Variants in TIAM1 observed in about 807,000 individuals in gnomAD.
The protein encoded by TIAM1 is TIAM Rac1 associated GEF 1, also known as rho guanine nucleotide exchange factor TIAM1.
Under a neutral mutation model 163.5 loss-of-function variants are expected in TIAM1, and 65 were observed. That is an observed-to-expected ratio of 0.40 (90% CI 0.33 to 0.49). TIAM1 has a LOEUF of 0.49. Ranked by LOEUF, TIAM1 falls within the 20% of genes least tolerant of loss-of-function variation. TIAM1 has a pLI of 0.77. For missense variants in TIAM1, 1,789 were observed against 2,044.7 expected, an observed-to-expected ratio of 0.87 and a Z score of 2.41; for synonymous variants, 833 against 810.1, an observed-to-expected ratio of 1.03 and a Z score of -0.48.
At chr21:31,233,371 GT>G (rs2088547330) in intron 6 of TIAM1, among the ~76,000 whole-genome samples, 1 of 152,046 alleles carries the variant, frequency 6.6e-6, no homozygotes, top group African/African-American at 2.4e-5. Flanking sequence ...ATCATATTTT[GT>G]TTACATAAGA....
intron 1 of TIAM1, among the ~76,000 whole-genome samples, chr21:31,514,989 C>T (rs1391523155): frequency 3.3e-5 from 5 of 152,214 alleles, no homozygotes; most frequent in Non-Finnish European, 7.3e-5. Context: ...CACAGGCACA[C>T]GACAGCTGCC....
At position 31,210,750 on chromosome 21, in the gene TIAM1, G is replaced by GAAAGAAAGAA. The variant is rs1455126243; in HGVS notation, c.2218-545_2218-536dup. 1.5e-3 allele frequency among the ~76,000 whole-genome samples: 88 copies of GAAAGAAAGAA among 60,022 alleles called. 1 individual carries two copies. The highest frequency in any genetic ancestry group is 7.5e-3 in the Middle Eastern group (1 of 134). 39.4% of individuals were successfully genotyped at this position (60,022 alleles called of 152,430 possible). A position where few individuals can be genotyped will look rare whatever the true frequency, so the allele number is the denominator to read the frequency against. Reference sequence around the variant, plus strand: ...GAAAGAGAAAGAAGGAAGGAAGGGAGAAAGAAAGAAAGAAAGAAAGAAAGA... The same window carrying GAAAGAAAGAA: ...GAAAGAGAAAGAAGGAAGGAAGGGAGAAAGAAAGAAAAAGAAAGAAAGAAAGAAAGAAAGA... On this transcript the variant is annotated intron_variant, in intron 10 of 27. Transcript: ENST00000541036.
chr21:31,159,082 G>A (rs1306476449), intron 16 of TIAM1, among the ~76,000 whole-genome samples: 2 of 152,122 alleles, frequency 1.3e-5, no homozygotes, highest in Non-Finnish European at 2.9e-5. Flanking sequence ...CTCCAGTGGG[G>A]AAAGTAAAAA....
chr21:31,492,446 G>A (rs2046500753), intron 1 of TIAM1, among the ~76,000 whole-genome samples: 1 of 152,126 alleles, frequency 6.6e-6, no homozygotes, highest in South Asian at 2.1e-4. Context: ...CAGATTCACT[G>A]AACCAGACTG....
chr21:31,368,346 C>T (rs1167206393), intron 2 of TIAM1, among the ~76,000 whole-genome samples: 1 of 151,950 alleles, frequency 6.6e-6, no homozygotes, highest in African/African-American at 2.4e-5. Context: ...ATAACCTTTT[C>T]TCAAACTCCA....
chr21:31,183,895 A>T (rs889429502), intron 14 of TIAM1, among the ~76,000 whole-genome samples: 1 of 151,460 alleles, frequency 6.6e-6, no homozygotes, highest in Non-Finnish European at 1.5e-5. Context: ...GGGTTTCACC[A>T]TGTTGGCCAG....
chr21:31,252,009 C>A lies in TIAM1; in HGVS notation c.1144G>T (p.Gly382Trp). 6.2e-7 allele frequency: 1 copy of A among 1,614,020 alleles called. No homozygotes were observed. Among genetic ancestry groups the A allele is most frequent in the Non-Finnish European group, 8.5e-7 (1 of 1,179,968 alleles). The change falls in exon 5 of 28, where the codon GGG becomes TGG. Residue 382 changes from glycine (G) to tryptophan (W), a missense_variant. Physicochemically the swap from Gly to Trp is radical, Grantham distance 184. Coordinates refer to ENST00000541036, the MANE Select transcript of TIAM1 (RefSeq NM_001353694.2). ...SSSTGDAARQ[G>W]VYENFRRELE... The stretch of plus-strand genomic sequence containing the variant: ...TCCCGCCGGAAGTTCTCGTACACCC[C>A]CTGACGAGCCGCATCCCCGGTGGAG...
chr21:31,315,188 T>C (rs1009548563), intron 2 of TIAM1, among the ~76,000 whole-genome samples: 8 of 151,914 alleles, frequency 5.3e-5, no homozygotes, highest in Non-Finnish European at 7.4e-5. Context: ...CTGACCAACA[T>C]GGTGAAACTC....
chr21:31,217,486 A>G, intron 9 of TIAM1, 67 bp downstream of exon 9: 3 of 1,563,474 alleles, frequency 1.9e-6, no homozygotes, highest in East Asian at 2.3e-5. Flanking sequence ...AAACACACAC[A>G]CCCCAAATTG....
chr21:31,333,984 T>C (rs918335604), intron 2 of TIAM1, among the ~76,000 whole-genome samples: 22 of 152,350 alleles, frequency 1.4e-4, no homozygotes, highest in Non-Finnish European at 2.2e-4. Flanking sequence ...TACCTTGGCT[T>C]GTTGAGACTT....
At chr21:31,220,564 G>C (rs983948139) in intron 8 of TIAM1, among the ~76,000 whole-genome samples, 1 of 152,312 alleles carries the variant, frequency 6.6e-6, no homozygotes, top group African/African-American at 2.4e-5. Flanking sequence ...CAGCATGAAA[G>C]AGAAATTCAT....
At chr21:31,459,717 C>T (rs1221899273) in intron 2 of TIAM1, among the ~76,000 whole-genome samples, 1 of 152,144 alleles carries the variant, frequency 6.6e-6, no homozygotes, top group Non-Finnish European at 1.5e-5. Context: ...GTGAAGAGCA[C>T]CCACCACCTG....
At chr21:31,401,190 A>G (rs2077158691) in intron 2 of TIAM1, among the ~76,000 whole-genome samples, 1 of 152,248 alleles carries the variant, frequency 6.6e-6, no homozygotes, top group Non-Finnish European at 1.5e-5. Flanking sequence ...ATTCATATGC[A>G]CTAAGTTAAT....
At chr21:31,474,892 G>C (rs2147382004) in intron 1 of TIAM1, among the ~76,000 whole-genome samples, 1 of 152,072 alleles carries the variant, frequency 6.6e-6, no homozygotes, top group East Asian at 1.9e-4. Flanking sequence ...GCCCTACAGG[G>C]AAAACCTGTT....
intron 2 of TIAM1, among the ~76,000 whole-genome samples, chr21:31,441,362 C>A (rs1455636742): frequency 6.6e-6 from 1 of 152,174 alleles, no homozygotes; most frequent in Non-Finnish European, 1.5e-5. Context: ...TCAACAAACT[C>A]ATTCCTTCTT....
At chr21:31,379,324 G>A (rs1056896504) in intron 2 of TIAM1, among the ~76,000 whole-genome samples, 2 of 152,162 alleles carry the variant, frequency 1.3e-5, no homozygotes, top group Non-Finnish European at 2.9e-5. Context: ...GTATCTGTGG[G>A]GGAGCAGAGG....
intron 1 of TIAM1, among the ~76,000 whole-genome samples, chr21:31,497,734 T>C (rs2046713384): frequency 6.6e-6 from 1 of 152,210 alleles, no homozygotes; most frequent in Non-Finnish European, 1.5e-5. Context: ...TGGAGTGGCT[T>C]AGGCCAGAGA....
chr21:31,131,173 TG>T (rs2082399942), intron 23 of TIAM1, among the ~76,000 whole-genome samples: 1 of 152,214 alleles, frequency 6.6e-6, no homozygotes. Flanking sequence ...CCTACATAAA[TG>T]GAATTAACCT....
chr21:31,451,066 G>GA (rs75384560), intron 2 of TIAM1, among the ~76,000 whole-genome samples: 13,293 of 140,328 alleles, frequency 0.095, 1,234 homozygotes, highest in African/African-American at 0.24. Flanking sequence ...ATTCTCAGAG[G>GA]AAAAAAAAAA....
Sources: allele counts gnomAD v4.1 joint callset (sites outside exome capture counted in the v4.1 genomes callset), GRCh38; gene constraint gnomAD v4.1.1; transcripts MANE v1.5; gene names NCBI Gene and HGNC (gene_info 2026-07-23, HGNC 2026-07-21).